The following SREBF2 variants were observed in gnomAD, a reference collection of about 807,000 sequenced individuals.
SREBF2 encodes sterol regulatory element binding transcription factor 2.
SREBF2 carries 55 observed loss-of-function variants against 113.1 expected under a neutral mutation model. That is an observed-to-expected ratio of 0.49 (90% CI 0.39 to 0.61). SREBF2 has a LOEUF of 0.61. Among genes scored for constraint, SREBF2 ranks in the 20% least tolerant of loss-of-function variants. The probability of loss-of-function intolerance (pLI) is 0.00; values close to 1 mark genes in which losing one functional copy is unlikely to be tolerated. For synonymous variants in SREBF2, 593 were observed against 605.7 expected (o/e 0.98, Z 0.31); for missense variants, 1,349 against 1,487.4 (o/e 0.91, Z 1.53).
chr22:41,898,378 A>C (rs1401570841), intron 14 of SREBF2, among the ~76,000 whole-genome samples: 2 of 152,200 alleles, frequency 1.3e-5, no homozygotes, highest in Non-Finnish European at 2.9e-5. Context: ...TCAGCCTCCC[A>C]AAATGCTGGG....
intron 1 of SREBF2, among the ~76,000 whole-genome samples, chr22:41,846,340 A>T (rs2076876571): frequency 6.6e-6 from 1 of 152,122 alleles, no homozygotes; most frequent in African/African-American, 2.4e-5. Flanking sequence ...CATGATCTGT[A>T]TATTGTCTCT....
At chr22:41,864,241 TATATATATATATATATATATACAC>T (rs1354314790) in intron 1 of SREBF2, among the ~76,000 whole-genome samples, 1 of 90,648 alleles carries the variant, frequency 1.1e-5, no homozygotes, top group African/African-American at 4.2e-5. Context: ...TATATATATA[TATATATATATATATATATATACAC>T]ACACACACAC....
intron 1 of SREBF2, among the ~76,000 whole-genome samples, chr22:41,849,294 C>T (rs942561763): frequency 2.5e-4 from 38 of 152,148 alleles, no homozygotes; most frequent in African/African-American, 4.6e-4. Flanking sequence ...CAGATTCAAG[C>T]GATTCTCCTG....
chr22:41,904,165 A>T (rs1041759007), intron 17 of SREBF2, among the ~76,000 whole-genome samples: 30 of 152,184 alleles, frequency 2.0e-4, no homozygotes, highest in East Asian at 3.9e-4. Context: ...GGTGTGAGCC[A>T]CCTCGCCTGG....
chr22:41,898,537 C>G, intron 14 of SREBF2, 112 bp from the exon 15 acceptor site: 1 of 1,467,510 alleles, frequency 6.8e-7, no homozygotes. Flanking sequence ...TGGCCCGTTC[C>G]CAGCAGGCAA....
intron 1 of SREBF2, among the ~76,000 whole-genome samples, chr22:41,855,954 A>G (rs2076973619): frequency 6.6e-6 from 1 of 151,512 alleles, no homozygotes; most frequent in South Asian, 2.1e-4. Context: ...ATGGGGTCTC[A>G]CTATTTTGTC....
At chr22:41,894,981 G>A (rs112566229) in intron 13 of SREBF2, 44 bp downstream of exon 13, 10 of 1,523,240 alleles carry the variant, frequency 6.6e-6, no homozygotes, top group African/African-American at 4.1e-5. Flanking sequence ...ACCTGTCCAC[G>A]CAGGCAACTC....
chr22:41,851,495 G>GT (rs2076929744), intron 1 of SREBF2, among the ~76,000 whole-genome samples: 1 of 145,384 alleles, frequency 6.9e-6, no homozygotes, highest in South Asian at 2.2e-4. Flanking sequence ...CTTTTTGTTT[G>GT]TTTGTTTGTT....
At chr22:41,900,828 T>G in intron 16 of SREBF2, 2 of 502,716 alleles carry the variant, frequency 4.0e-6, no homozygotes, top group Non-Finnish European at 7.7e-6. Context: ...TTTGCGTGAC[T>G]TCCCAGGCCT....
chr22:41,855,358 T>C (rs2148359616), intron 1 of SREBF2, among the ~76,000 whole-genome samples: 1 of 152,136 alleles, frequency 6.6e-6, no homozygotes, highest in African/African-American at 2.4e-5. Context: ...TTAAACTTCG[T>C]CTACTAAAAA....
chr22:41,852,440 A>G (rs1217274261), intron 1 of SREBF2, among the ~76,000 whole-genome samples: 1 of 152,174 alleles, frequency 6.6e-6, no homozygotes, highest in East Asian at 1.9e-4. Context: ...TGGCCTTGCA[A>G]AACGGGCCTT....
intron 1 of SREBF2, among the ~76,000 whole-genome samples, chr22:41,844,209 T>A (rs2076857447): frequency 6.6e-6 from 1 of 152,104 alleles, no homozygotes; most frequent in Admixed American, 6.6e-5. Flanking sequence ...GCTCACTTAG[T>A]TCTTGCAGCA....
intron 3 of SREBF2, among the ~76,000 whole-genome samples, chr22:41,869,624 C>T (rs889157487): frequency 1.3e-5 from 2 of 151,286 alleles, no homozygotes; most frequent in Non-Finnish European, 2.9e-5. Flanking sequence ...GCTGGGATTA[C>T]AAGCACCTGC....
At position 41,833,153 on chromosome 22, in the gene SREBF2, C is replaced by A. The variant is rs2076727512; in HGVS notation, c.-118C>A. On this transcript the variant is annotated 5_prime_UTR_variant, in exon 1 of 19. Transcript: ENST00000361204. This position sits in a 1 kb window ranked among gnomAD's most constrained non-coding sequence, Gnocchi z 4.1. Reference sequence around the variant, plus strand: ...AACGCAAACATGGCGGCGGGTGGCACCCGTCGGTGAGGCGGTGCCGGGCGG... The same window carrying A: ...AACGCAAACATGGCGGCGGGTGGCAACCGTCGGTGAGGCGGTGCCGGGCGG... 2.7e-6 allele frequency: 2 copies of A among 729,658 alleles called. No individual in the cohort carries two copies. Among genetic ancestry groups the A allele is most frequent in the Non-Finnish European group, 2.0e-6 (1 of 492,612 alleles). The allele number at this position is 729,658 out of a possible 1,614,324, so 45.2% of individuals were successfully genotyped here. A position where few individuals can be genotyped will look rare whatever the true frequency, so the allele number is the denominator to read the frequency against.
chr22:41,863,935 A>G (rs2077046921), intron 1 of SREBF2, among the ~76,000 whole-genome samples: 1 of 151,664 alleles, frequency 6.6e-6, no homozygotes, highest in South Asian at 2.1e-4. Context: ...AGGCTGGAGT[A>G]CAGTGACGCA....
chr22:41,877,655 A>G (rs893605426), intron 8 of SREBF2, among the ~76,000 whole-genome samples: 3 of 151,902 alleles, frequency 2.0e-5, no homozygotes, highest in African/African-American at 4.8e-5. Flanking sequence ...TACTCTAAAT[A>G]CCCTGGGGTG....
intron 10 of SREBF2, among the ~76,000 whole-genome samples, chr22:41,883,790 T>C (rs2077272536): frequency 6.6e-6 from 1 of 152,156 alleles, no homozygotes; most frequent in Admixed American, 6.5e-5. Flanking sequence ...AACACAGGGC[T>C]GGATGAGCAC....
chr22:41,896,703 C>T (rs1485969300), intron 13 of SREBF2, among the ~76,000 whole-genome samples: 2 of 152,106 alleles, frequency 1.3e-5, no homozygotes, highest in Admixed American at 6.5e-5. Flanking sequence ...TTAGGGTGCA[C>T]CTGAGGAGAG....
chr22:41,841,343 G>A (rs933896862), intron 1 of SREBF2, among the ~76,000 whole-genome samples: 3 of 152,224 alleles, frequency 2.0e-5, no homozygotes, highest in Admixed American at 6.5e-5. Context: ...CGTTTGGGTT[G>A]AAAGAGCTGC....
Sources: gnomAD v4.1 joint callset for allele counts (sites outside exome capture counted in the v4.1 genomes callset) on GRCh38, gnomAD v4.1.1 for gene constraint, Gnocchi (gnomAD v3.1) non-coding constraint, MANE v1.5 for transcripts, NCBI Gene and HGNC (gene_info 2026-07-23, HGNC 2026-07-21) for gene names.